DPH6: variants seen among roughly 807,000 people sequenced by gnomAD.
DPH6 encodes diphthine--ammonia ligase.
Under a neutral mutation model 38.2 loss-of-function variants are expected in DPH6, and 33 were observed. The ratio of observed to expected loss-of-function variants is 0.86; its 90% CI spans 0.65 to 1.15. The LOEUF is 1.15. Ranked by LOEUF, DPH6 falls within the 50% of genes most tolerant of loss-of-function variation. The probability of loss-of-function intolerance (pLI) is 0.00; values close to 1 mark genes in which losing one functional copy is unlikely to be tolerated. For synonymous variants in DPH6, 108 were observed against 103.0 expected (o/e 1.05, Z -0.30); for missense variants, 325 against 320.0 (o/e 1.02, Z -0.12).
intron 3 of DPH6, among the ~76,000 whole-genome samples, chr15:35,238,981 C>T (rs141905405): frequency 0.029 from 4,289 of 145,654 alleles, 233 homozygotes; most frequent in Non-Finnish European, 0.035. Flanking sequence ...GGACTCAGCC[C>T]GCCTGCACCC....
intron 3 of DPH6, among the ~76,000 whole-genome samples, chr15:35,492,331 G>C (rs1197816110): frequency 6.6e-6 from 1 of 152,000 alleles, no homozygotes; most frequent in Non-Finnish European, 1.5e-5. Context: ...CTAGATATAT[G>C]GGCATGAAAT....
chr15:35,489,675 C>T (rs942188866), intron 3 of DPH6: 3 of 973,020 alleles, frequency 3.1e-6, no homozygotes, highest in African/African-American at 3.5e-5. Context: ...ACAGTGTATA[C>T]AGAATAAGAT....
intron 3 of DPH6, among the ~76,000 whole-genome samples, chr15:35,364,534 C>T (rs1297481435): frequency 4.6e-5 from 7 of 151,962 alleles, no homozygotes; most frequent in African/African-American, 1.7e-4. Context: ...GAAATTCCTC[C>T]ACTTTTATTC....
At chr15:35,297,799 CT>C (rs1364577299) in intron 3 of DPH6, among the ~76,000 whole-genome samples, 1 of 151,684 alleles carries the variant, frequency 6.6e-6, no homozygotes, top group Admixed American at 6.6e-5. Flanking sequence ...CCAGCCACCC[CT>C]GTCAAAAAAA....
intron 6 of DPH6, chr15:35,401,051 A>G: frequency 4.5e-6 from 4 of 888,568 alleles, no homozygotes; most frequent in Middle Eastern, 3.3e-4. Context: ...ATCACCTAAG[A>G]GATTATTTTC....
chr15:35,354,858 T>A (rs2052545744), intron 3 of DPH6, among the ~76,000 whole-genome samples: 1 of 152,132 alleles, frequency 6.6e-6, no homozygotes, highest in Admixed American at 6.5e-5. Flanking sequence ...TTCTCTCTTG[T>A]TGATCTGTCT....
chr15:35,399,068 T>C (rs901309719), intron 6 of DPH6, among the ~76,000 whole-genome samples: 1 of 152,160 alleles, frequency 6.6e-6, no homozygotes, highest in South Asian at 2.1e-4. Context: ...CTCTTAAATA[T>C]TAGCATAATA....
At chr15:35,363,505 C>A (rs1031675360) in intron 3 of DPH6, among the ~76,000 whole-genome samples, 2 of 151,888 alleles carry the variant, frequency 1.3e-5, no homozygotes, top group African/African-American at 2.4e-5. Context: ...TCTTTCTGTG[C>A]CCTTATTTTT....
At chr15:35,463,639 C>A (rs1015485987) in intron 3 of DPH6, among the ~76,000 whole-genome samples, 1 of 151,904 alleles carries the variant, frequency 6.6e-6, no homozygotes, top group Non-Finnish European at 1.5e-5. Flanking sequence ...AGAAAGAGGA[C>A]CAGAAATAGA....
At chr15:35,448,951 T>C (rs1478623230) in intron 5 of DPH6, among the ~76,000 whole-genome samples, 1 of 150,044 alleles carries the variant, frequency 6.7e-6, no homozygotes, top group Non-Finnish European at 1.5e-5. Context: ...ATTTTACTGA[T>C]CCCTCTCCCC....
chr15:35,269,055 C>T (rs1444158043), intron 3 of DPH6, among the ~76,000 whole-genome samples: 1 of 152,102 alleles, frequency 6.6e-6, no homozygotes, highest in Admixed American at 6.5e-5. Context: ...TCCCCAATAT[C>T]AATCCCCAAG....
intron 3 of DPH6, among the ~76,000 whole-genome samples, chr15:35,515,550 T>A (rs1459279099): frequency 6.6e-6 from 1 of 151,590 alleles, no homozygotes; most frequent in African/African-American, 2.4e-5. Context: ...TGAAACCCCG[T>A]CTCTACTAAA....
intron 5 of DPH6, among the ~76,000 whole-genome samples, chr15:35,415,660 T>A (rs2053426753): frequency 6.6e-6 from 1 of 152,024 alleles, no homozygotes; most frequent in Non-Finnish European, 1.5e-5. Flanking sequence ...GAACCTGTGA[T>A]CTTCACACAG....
chr15:35,325,658 T>G (rs1261744179), intron 3 of DPH6, among the ~76,000 whole-genome samples: 2 of 152,120 alleles, frequency 1.3e-5, no homozygotes, highest in Non-Finnish European at 2.9e-5. Flanking sequence ...CATTTCTTCA[T>G]GGCCTTGAAC....
At chr15:35,221,565 G>T (rs1025201551) in intron 3 of DPH6, among the ~76,000 whole-genome samples, 4 of 152,176 alleles carry the variant, frequency 2.6e-5, no homozygotes, top group Non-Finnish European at 5.9e-5. Flanking sequence ...TCCTGAGAGA[G>T]GTAGCAGGAC....
At chr15:35,171,496 CTTAA>C in the DPH6 span, among the ~76,000 whole-genome samples, 1 of 152,104 alleles carries the variant, frequency 6.6e-6, no homozygotes, top group Non-Finnish European at 1.5e-5. Context: ...TTAATTAGCT[CTTAA>C]TTAATAATTG....
chr15:35,215,213 G>A (rs1204451843), downstream of DPH6, among the ~76,000 whole-genome samples: 1 of 152,158 alleles, frequency 6.6e-6, no homozygotes, highest in African/African-American at 2.4e-5. Context: ...GGTAGAGAAT[G>A]TCAGAGTCAA....
At chr15:35,285,871 A>ATTTTTTTTTTTTTTTT (rs1566859769) in intron 3 of DPH6, among the ~76,000 whole-genome samples, 1 of 2,860 alleles carries the variant, frequency 3.5e-4, no homozygotes. Flanking sequence ...TTTATCTTTG[A>ATTTTTTTTTTTTTTTT]GTTTTTTTTT....
intron 6 of DPH6, among the ~76,000 whole-genome samples, chr15:35,405,427 T>C (rs1435911289): frequency 6.6e-6 from 1 of 152,090 alleles, no homozygotes; most frequent in Non-Finnish European, 1.5e-5. Context: ...TTTCATTTCT[T>C]TGGTCAATTC....
Sources: gnomAD v4.1 joint callset for allele counts (sites outside exome capture counted in the v4.1 genomes callset) on GRCh38, gnomAD v4.1.1 for gene constraint, MANE v1.5 for transcripts, NCBI Gene and HGNC (gene_info 2026-07-23, HGNC 2026-07-21) for gene names.